Variants in SDK1 observed in about 807,000 individuals in gnomAD.
The protein encoded by SDK1 is sidekick cell adhesion molecule 1.
SDK1 carries 157 observed loss-of-function variants against 245.5 expected under a neutral mutation model. That is an observed-to-expected ratio of 0.64 (90% CI 0.56 to 0.73). The LOEUF is 0.73. SDK1 is among the 30% of genes least tolerant of loss of function. The probability of loss-of-function intolerance (pLI) is 0.00; values close to 1 mark genes in which losing one functional copy is unlikely to be tolerated. For missense variants in SDK1, 3,583 were observed against 3,002.3 expected, an observed-to-expected ratio of 1.19 and a Z score of -4.52; for synonymous variants, 1,647 against 1,278.5, an observed-to-expected ratio of 1.29 and a Z score of -6.15.
intron 1 of SDK1, among the ~76,000 whole-genome samples, chr7:3,595,553 C>T (rs1021624340): frequency 1.3e-5 from 2 of 151,804 alleles, no homozygotes; most frequent in African/African-American, 4.8e-5. Flanking sequence ...TTTAATTATG[C>T]AGTTATAATT....
At chr7:3,971,362 A>T in intron 11 of SDK1, 104 bp from the exon 12 acceptor site, 1 of 751,464 alleles carries the variant, frequency 1.3e-6, no homozygotes. Context: ...GATGAGAGAA[A>T]ACTCGGAGGT....
At chr7:4,246,295 C>T (rs1786856054) in intron 44 of SDK1, among the ~76,000 whole-genome samples, 1 of 152,112 alleles carries the variant, frequency 6.6e-6, no homozygotes, top group Non-Finnish European at 1.5e-5. Context: ...TTCACGTGCT[C>T]CATCTCATGT....
chr7:3,559,222 G>C (rs369939458), intron 1 of SDK1, among the ~76,000 whole-genome samples: 4 of 152,212 alleles, frequency 2.6e-5, no homozygotes, highest in Middle Eastern at 3.4e-3. Flanking sequence ...ACTGTTGCAT[G>C]GATATATAAT....
At chr7:3,988,132 GTTTTTTTTTTTTT>G (rs71032919) in intron 14 of SDK1, among the ~76,000 whole-genome samples, 1 of 85,422 alleles carries the variant, frequency 1.2e-5, no homozygotes, top group Non-Finnish European at 2.2e-5. Flanking sequence ...TCTTTTTAAT[GTTTTTTTTTTTTT>G]TTTTTTTTTT....
At chr7:3,636,888 G>C (rs1304348007) in intron 2 of SDK1, among the ~76,000 whole-genome samples, 1 of 152,162 alleles carries the variant, frequency 6.6e-6, no homozygotes, top group Non-Finnish European at 1.5e-5. Flanking sequence ...ACAGGAGTAA[G>C]ATGACATCTC....
chr7:3,968,989 G>A (rs1451972229), intron 10 of SDK1, among the ~76,000 whole-genome samples: 1 of 152,156 alleles, frequency 6.6e-6, no homozygotes. Flanking sequence ...GAGAGAGAAA[G>A]AGCAAAGGGG....
intron 1 of SDK1, among the ~76,000 whole-genome samples, chr7:3,439,323 C>G (rs1032813268): frequency 3.9e-5 from 6 of 152,120 alleles, no homozygotes; most frequent in African/African-American, 1.2e-4. Context: ...ACCAATAAAG[C>G]TAATGTTTCT....
chr7:3,431,615 T>C (rs1045850736), intron 1 of SDK1, among the ~76,000 whole-genome samples: 5 of 152,138 alleles, frequency 3.3e-5, no homozygotes, highest in Admixed American at 6.5e-5. Flanking sequence ...AATCAAACTT[T>C]TGTGGTAATC....
At chr7:3,874,941 T>C (rs1389025695) in intron 5 of SDK1, among the ~76,000 whole-genome samples, 8 of 152,190 alleles carry the variant, frequency 5.3e-5, no homozygotes, top group Admixed American at 5.2e-4. Flanking sequence ...GTCTTAGGTT[T>C]CTCATTGAGC....
At chr7:3,771,949 C>T (rs868568929) in intron 4 of SDK1, among the ~76,000 whole-genome samples, 11 of 152,302 alleles carry the variant, frequency 7.2e-5, no homozygotes, top group African/African-American at 9.6e-5. Flanking sequence ...TGGCACCCTT[C>T]TACTTTTTGT....
intron 1 of SDK1, among the ~76,000 whole-genome samples, chr7:3,541,368 C>CTTA (rs1779048733): frequency 4.6e-5 from 7 of 152,318 alleles, no homozygotes; most frequent in Middle Eastern, 3.4e-3. Context: ...CAGAGGAGGG[C>CTTA]GTAATCTAAG....
chr7:3,877,572 C>T (rs377247175), intron 5 of SDK1, among the ~76,000 whole-genome samples: 1 of 152,092 alleles, frequency 6.6e-6, no homozygotes, highest in Non-Finnish European at 1.5e-5. Context: ...GATGGTTTAT[C>T]CCTTTTAACT....
At chr7:3,661,867 A>G (rs4720010) in intron 4 of SDK1, among the ~76,000 whole-genome samples, 92,749 of 151,450 alleles carry the variant, frequency 0.61, 28,670 homozygotes, top group South Asian at 0.77. Context: ...TAGTAATAAC[A>G]CCTGCCTCAT....
intron 1 of SDK1, among the ~76,000 whole-genome samples, chr7:3,434,225 T>C (rs998979628): frequency 6.6e-6 from 1 of 152,198 alleles, no homozygotes; most frequent in African/African-American, 2.4e-5. Context: ...GTCAGCGTGA[T>C]GGAGAGAAGA....
At chr7:3,957,737 G>A (rs1424594782) in intron 7 of SDK1, among the ~76,000 whole-genome samples, 5 of 152,262 alleles carry the variant, frequency 3.3e-5, no homozygotes, top group Non-Finnish European at 7.4e-5. Context: ...ATCAAATGGG[G>A]GATGTATGAG....
chr7:3,824,773 T>C (rs1779730846), intron 5 of SDK1, among the ~76,000 whole-genome samples: 1 of 152,196 alleles, frequency 6.6e-6, no homozygotes, highest in Non-Finnish European at 1.5e-5. Flanking sequence ...AGGTTTTAGA[T>C]TTAAATTTTT....
In SDK1 at chr7:4,267,315, C is replaced by A. The variant is rs1364857888; in HGVS notation, c.*1931C>A. On this transcript the variant is annotated 3_prime_UTR_variant, in exon 45 of 45. Transcript: ENST00000404826. ...CTTCCTTCCCTCCCTTCTTTCCCTC[C>A]CTCCCTTCCTCTCTCCCCTATTCCT... is the stretch of plus-strand genomic sequence containing the variant. 3 of 858,496 alleles carry A rather than the reference C, an allele frequency of 3.5e-6. No homozygotes were observed. Among genetic ancestry groups the A allele is most frequent in the South Asian group, 5.4e-5 (1 of 18,586 alleles). The allele number at this position is 858,496 out of a possible 1,614,324, so 53.2% of individuals were successfully genotyped here. A position where few individuals can be genotyped will look rare whatever the true frequency, so the allele number is the denominator to read the frequency against.
intron 1 of SDK1, among the ~76,000 whole-genome samples, chr7:3,384,940 G>A (rs949058236): frequency 1.3e-5 from 2 of 152,134 alleles, no homozygotes; most frequent in African/African-American, 4.8e-5. Context: ...TGTGGCATAC[G>A]CCCTGCTGCC....
At chr7:3,907,384 T>G (rs1298144460) in intron 5 of SDK1, among the ~76,000 whole-genome samples, 2 of 152,252 alleles carry the variant, frequency 1.3e-5, no homozygotes, top group Non-Finnish European at 2.9e-5. Context: ...CTTTTGTGTC[T>G]GGCTTATTTT....
Sources: gnomAD v4.1 joint callset for allele counts (sites outside exome capture counted in the v4.1 genomes callset) on GRCh38, gnomAD v4.1.1 for gene constraint, MANE v1.5 for transcripts, NCBI Gene and HGNC (gene_info 2026-07-23, HGNC 2026-07-21) for gene names.